UXS1: variants seen among roughly 807,000 people sequenced by gnomAD.
UXS1 encodes the protein UDP-glucuronic acid decarboxylase 1.
A neutral mutation model predicts 62.6 loss-of-function variants in UXS1; 33 were observed. That is an observed-to-expected ratio of 0.53 (90% CI 0.40 to 0.70). UXS1 has a LOEUF of 0.70. Among genes scored for constraint, UXS1 ranks in the 30% least tolerant of loss-of-function variants. The pLI, the probability that UXS1 is intolerant of heterozygous loss-of-function variation, is 0.00. For missense variants in UXS1, 434 were observed against 556.3 expected, an observed-to-expected ratio of 0.78 and a Z score of 2.21; for synonymous variants, 213 against 206.8, an observed-to-expected ratio of 1.03 and a Z score of -0.26.
intron 5 of UXS1, among the ~76,000 whole-genome samples, chr2:106,156,576 C>T (rs1682444980): frequency 1.3e-5 from 2 of 152,138 alleles, no homozygotes; most frequent in Admixed American, 6.6e-5. Context: ...CGCACCCCAC[C>T]CCCATACCTA....
intron 11 of UXS1, chr2:106,101,720 G>C (rs933278364): frequency 2.0e-5 from 3 of 152,084 alleles, no homozygotes; most frequent in African/African-American, 7.3e-5. Context: ...CGTATGAAAC[G>C]GTCAGGGATA....
At chr2:106,190,237 T>A (rs1558765120) in intron 1 of UXS1, among the ~76,000 whole-genome samples, 1 of 152,124 alleles carries the variant, frequency 6.6e-6, no homozygotes, top group East Asian at 1.9e-4. Context: ...GGAACAGCAT[T>A]TACATAGTCA....
At chr2:106,125,845 A>C (rs1157515382) in intron 7 of UXS1, among the ~76,000 whole-genome samples, 166 bp from the exon 8 acceptor site, 1 of 152,244 alleles carries the variant, frequency 6.6e-6, no homozygotes, top group Non-Finnish European at 1.5e-5. Flanking sequence ...AAACAAATAC[A>C]GTAAGAAAAA....
At chr2:106,157,964 T>C in intron 5 of UXS1, 94 bp downstream of exon 5, 2 of 1,117,816 alleles carry the variant, frequency 1.8e-6, no homozygotes, top group Non-Finnish European at 2.6e-6. Flanking sequence ...ATCGTATCTT[T>C]GAGAAGCGTG....
rs1357482352 is a variant in UXS1, at chr2:106,125,606, A to C, written c.637+14T>G. 3.2e-6 allele frequency: 5 copies of C among 1,558,442 alleles called. No homozygotes were observed. The Admixed American group carries it at 7.7e-5, about 24-fold the overall frequency. ...GGCTGGAGTGAACATCTCCTGAGAG[A>C]GCCTCCTACTCACCTCCATACACCT... On this transcript the variant is annotated intron_variant, in intron 8 of 14. Transcript: ENST00000283148.
intron 7 of UXS1, among the ~76,000 whole-genome samples, chr2:106,126,137 ATTC>A (rs1046900744): frequency 9.2e-5 from 14 of 152,000 alleles, no homozygotes; most frequent in Non-Finnish European, 1.3e-4. Flanking sequence ...CTCTCCACTC[ATTC>A]TTCTTCCTCC....
At chr2:106,134,293 G>C (rs1244188151) in intron 6 of UXS1, among the ~76,000 whole-genome samples, 1 of 103,448 alleles carries the variant, frequency 9.7e-6, no homozygotes, top group East Asian at 2.5e-4. Context: ...AAAGAGTCCA[G>C]GACCAGATGG....
At chr2:106,123,278 T>C (rs1679666071) in intron 8 of UXS1, among the ~76,000 whole-genome samples, 187 bp from the exon 9 acceptor site, 2 of 142,756 alleles carry the variant, frequency 1.4e-5, no homozygotes, top group Non-Finnish European at 1.5e-5. Flanking sequence ...TATTAAGCAA[T>C]GACAATATTT....
At chr2:106,129,165 T>A (rs1220275278) in intron 7 of UXS1, among the ~76,000 whole-genome samples, 1 of 152,192 alleles carries the variant, frequency 6.6e-6, no homozygotes, top group Non-Finnish European at 1.5e-5. Context: ...TGAAGTCCAA[T>A]CTAGGGCAGG....
intron 10 of UXS1, among the ~76,000 whole-genome samples, chr2:106,109,457 C>G (rs1678396783): frequency 1.3e-5 from 2 of 152,266 alleles, no homozygotes; most frequent in South Asian, 2.1e-4. Flanking sequence ...GCACTGGATT[C>G]AAACCCCAAT....
At chr2:106,120,220 A>C (rs1679410605) in intron 9 of UXS1, among the ~76,000 whole-genome samples, 1 of 152,180 alleles carries the variant, frequency 6.6e-6, no homozygotes, top group Non-Finnish European at 1.5e-5. Flanking sequence ...AACACACTGC[A>C]CCTTCTTCAC....
intron 7 of UXS1, among the ~76,000 whole-genome samples, chr2:106,126,323 G>A (rs142779474): frequency 4.6e-5 from 7 of 152,244 alleles, no homozygotes; most frequent in Non-Finnish European, 8.8e-5. Context: ...GAGTCCCAGT[G>A]TACAGTGGTT....
At chr2:106,175,793 G>A (rs573551054) in intron 1 of UXS1, among the ~76,000 whole-genome samples, 4 of 152,256 alleles carry the variant, frequency 2.6e-5, no homozygotes, top group East Asian at 3.9e-4. Context: ...CAGGCATCAC[G>A]AAACAAAGAA....
chr2:106,150,585 T>C (rs555488209), intron 5 of UXS1, among the ~76,000 whole-genome samples: 1 of 152,326 alleles, frequency 6.6e-6, no homozygotes, highest in East Asian at 1.9e-4. Flanking sequence ...CTGTAAACCT[T>C]GGTGGTGTCC....
intron 2 of UXS1, among the ~76,000 whole-genome samples, 176 bp from the exon 3 acceptor site, chr2:106,164,975 G>C (rs1432436391): frequency 3.3e-5 from 5 of 152,156 alleles, no homozygotes; most frequent in Non-Finnish European, 7.3e-5. Context: ...CCAAAGGGAA[G>C]GACTCCCCTT....
intron 10 of UXS1, among the ~76,000 whole-genome samples, chr2:106,109,246 C>T (rs1386119304): frequency 6.6e-6 from 1 of 152,144 alleles, no homozygotes; most frequent in Non-Finnish European, 1.5e-5. Context: ...GTCTTCCTCA[C>T]CATACTTTAG....
chr2:106,107,713 C>T (rs1678201746), intron 10 of UXS1, among the ~76,000 whole-genome samples: 1 of 152,228 alleles, frequency 6.6e-6, no homozygotes, highest in Admixed American at 6.5e-5. Flanking sequence ...ACCGTTGACT[C>T]ATTCATAAGT....
At chr2:106,130,451 G>GAC (rs142352665) in intron 6 of UXS1, among the ~76,000 whole-genome samples, 7 of 151,998 alleles carry the variant, frequency 4.6e-5, no homozygotes, top group Admixed American at 2.0e-4. Context: ...GGCAGCAACA[G>GAC]ACACACACAC....
intron 11 of UXS1, among the ~76,000 whole-genome samples, chr2:106,103,578 C>T (rs1677793168): frequency 6.6e-6 from 1 of 152,242 alleles, no homozygotes; most frequent in South Asian, 2.1e-4. Context: ...ACGTTAAGTG[C>T]TTTGAAATGA....
Sources: allele counts gnomAD v4.1 joint callset (sites outside exome capture counted in the v4.1 genomes callset), GRCh38; gene constraint gnomAD v4.1.1; transcripts MANE v1.5; gene names NCBI Gene and HGNC (gene_info 2026-07-23, HGNC 2026-07-21).